The following SYT7 variants were observed in gnomAD, a reference collection of about 807,000 sequenced individuals.
SYT7 encodes the protein synaptotagmin-7.
Under a neutral mutation model 75.1 loss-of-function variants are expected in SYT7, and 29 were observed. That is an observed-to-expected ratio of 0.39 (90% CI 0.29 to 0.53). SYT7 has a LOEUF of 0.53. SYT7 is among the 20% of genes least tolerant of loss of function. SYT7 has a pLI of 0.77. For synonymous variants in SYT7, 376 were observed against 401.7 expected (o/e 0.94, Z 0.76); for missense variants, 693 against 953.2 (o/e 0.73, Z 3.59).
At chr11:61,574,422 A>G (rs921859759) in intron 1 of SYT7, among the ~76,000 whole-genome samples, 1 of 152,134 alleles carries the variant, frequency 6.6e-6, no homozygotes, top group African/African-American at 2.4e-5. Flanking sequence ...GGAGGCACAT[A>G]TGTAAAGTGC....
upstream of SYT7, among the ~76,000 whole-genome samples, chr11:61,584,255 C>T (rs1247480176): frequency 2.6e-5 from 4 of 151,756 alleles, no homozygotes; most frequent in East Asian, 5.8e-4. Flanking sequence ...ATTAGCCGGG[C>T]GTGGTGGCAT....
At position 61,523,373 on chromosome 11, in the gene SYT7, G is replaced by C. The variant is rs942734862; in HGVS notation, c.1757-99C>G. ...GAATGGAAGCTGAGGCAGGAGGGCC[G>C]TGTGCTTTCCCCAGAGGCAAGGAAA... is the stretch of plus-strand genomic sequence containing the variant. On this transcript the variant is annotated intron_variant, in intron 11 of 12. Coordinates refer to ENST00000539008, the MANE Select transcript of SYT7 (RefSeq NM_001365809.2). The surrounding 1 kb of genome is among the most constrained non-coding windows in gnomAD (Gnocchi z 5.0). 25 of 1,207,042 alleles carry C rather than the reference G, an allele frequency of 2.1e-5. No individual in the cohort carries two copies. The highest frequency in any genetic ancestry group is 7.5e-5 in the African/African-American group (5 of 66,904). 74.8% of individuals were successfully genotyped at this position (1,207,042 alleles called of 1,614,324 possible).
intron 1 of SYT7, among the ~76,000 whole-genome samples, chr11:61,558,947 T>C (rs2063572213): frequency 6.6e-6 from 1 of 152,198 alleles, no homozygotes; most frequent in African/African-American, 2.4e-5. Context: ...TTTTACCACA[T>C]TGGCCAGGCT....
intron 12 of SYT7, among the ~76,000 whole-genome samples, chr11:61,522,725 T>G (rs1441505462): frequency 6.6e-6 from 1 of 152,186 alleles, no homozygotes; most frequent in Non-Finnish European, 1.5e-5. Context: ...GCTCACCCTG[T>G]GCAGATGGGA....
At chr11:61,519,987 A>C (rs1251075604) in intron 12 of SYT7, among the ~76,000 whole-genome samples, 1 of 151,514 alleles carries the variant, frequency 6.6e-6, no homozygotes, top group Non-Finnish European at 1.5e-5. Flanking sequence ...CGCCCGGCTA[A>C]TTTTTGTATT....
intron 3 of SYT7, 92 bp from the exon 4 acceptor site, chr11:61,547,400 C>T: frequency 3.5e-6 from 5 of 1,435,138 alleles, no homozygotes; most frequent in East Asian, 2.5e-5. Context: ...ACCAGGACCC[C>T]GGGGCCGGGC....
chr11:61,548,933 A>C (rs1272135077), intron 3 of SYT7, among the ~76,000 whole-genome samples: 1 of 152,180 alleles, frequency 6.6e-6, no homozygotes, highest in Non-Finnish European at 1.5e-5. Flanking sequence ...CAAAGCGTAG[A>C]GCCAGCTCAC....
rs371595215 is a variant in SYT7 at position 61,575,831 on chromosome 11, G to A, written c.31+4959C>T. On this transcript the variant is annotated intron_variant, in intron 1 of 12. Transcript: ENST00000539008. ...TAAGCACAGATATTATGGCCATCCA[G>A]CTGCCACCCGCACACACACTAGGTA... Among the ~76,000 whole-genome samples the A allele has an allele frequency of 7.0e-4, 107 of 152,312 alleles. 2 individuals are homozygous for A. The South Asian group carries it at 0.02, about 29-fold the overall frequency.
rs148448699 is a variant in SYT7, at chr11:61,551,455, G to C, written c.144C>G (p.Arg48=). The C allele has an allele frequency of 4.2e-4, 682 of 1,613,828 alleles. 4 individuals are homozygous for C. Among genetic ancestry groups the C allele is most frequent in the South Asian group, 2.0e-3 (183 of 91,078 alleles). ...CCACCGTCTCCAAGGAATTCTTGTA[G>C]CGTTTGCCCTGTGGAGATAGCACTA... ...CHWCQRKLGK[R]YKNSLETVGT... Residue 48 remains arginine, a synonymous_variant, in exon 3 of 13, where the codon CGC becomes CGG. Transcript: ENST00000539008. The surrounding 1 kb of genome is among the most constrained non-coding windows in gnomAD (Gnocchi z 5.3).
intron 3 of SYT7, among the ~76,000 whole-genome samples, chr11:61,550,575 C>T (rs1308462855): frequency 6.6e-6 from 1 of 152,126 alleles, no homozygotes; most frequent in Non-Finnish European, 1.5e-5. Flanking sequence ...GGGTTACCAC[C>T]CCTACCTTGA....
rs763230993 is a variant in SYT7, at chr11:61,533,067, G to A, written c.1122C>T (p.His374=). 46 of 1,612,824 alleles carry A rather than the reference G, an allele frequency of 2.9e-5. No individual in the cohort carries two copies. The highest frequency in any genetic ancestry group is 4.0e-5 in the African/African-American group (3 of 74,916). The change falls in exon 8 of 13, where the codon CAC becomes CAT. Residue 374 remains histidine (H), a synonymous_variant. Transcript: ENST00000539008. ...GCTCGGTCCGGCGGTCGGACTCATC[G>A]TGGGGTGTCTGGCCTGGCACGGGGG... ...NTAPVPGQTP[H]DESDRRTEPR...
chr11:61,550,628 A>G (rs773772523), intron 3 of SYT7, among the ~76,000 whole-genome samples: 17 of 152,112 alleles, frequency 1.1e-4, no homozygotes, highest in Non-Finnish European at 2.2e-4. Context: ...GCCACTGGCC[A>G]GTGGGCACAG....
At chr11:61,519,828 G>A (rs1177231835) in intron 12 of SYT7, among the ~76,000 whole-genome samples, 1 of 152,124 alleles carries the variant, frequency 6.6e-6, no homozygotes, top group Non-Finnish European at 1.5e-5. Flanking sequence ...TTGTTTGTTT[G>A]TTTGTTTTTG....
chr11:61,521,149 T>C (rs2062315553), intron 12 of SYT7, among the ~76,000 whole-genome samples: 1 of 152,208 alleles, frequency 6.6e-6, no homozygotes, highest in Non-Finnish European at 1.5e-5. Context: ...ATGATACTGA[T>C]AGCCTTGGAT....
chr11:61,529,472 C>A (rs2062634618), intron 8 of SYT7, among the ~76,000 whole-genome samples: 1 of 152,160 alleles, frequency 6.6e-6, no homozygotes, highest in African/African-American at 2.4e-5. Flanking sequence ...GAGGTGAAGT[C>A]ACATGGCCAA....
At chr11:61,531,464 G>T (rs568467738) in intron 8 of SYT7, among the ~76,000 whole-genome samples, 1 of 152,132 alleles carries the variant, frequency 6.6e-6, no homozygotes, top group East Asian at 1.9e-4. Flanking sequence ...TCCTGGGGGG[G>T]GGAAGATGGA....
intron 2 of SYT7, among the ~76,000 whole-genome samples, chr11:61,552,868 C>T (rs746627079): frequency 1.3e-5 from 2 of 152,230 alleles, no homozygotes; most frequent in Non-Finnish European, 2.9e-5. Flanking sequence ...AGAAGGAAGA[C>T]TCCTCATCCC....
Position 61,527,925 on chromosome 11 carries a change from G to A in SYT7, c.1461C>T (p.Phe487=). 2 of 1,614,080 alleles carry A rather than the reference G, an allele frequency of 1.2e-6. No individual in the cohort carries two copies. Among genetic ancestry groups the A allele is most frequent in the East Asian group, 2.2e-5 (1 of 44,886 alleles). Residue 487 remains phenylalanine (F), a synonymous_variant, in exon 9 of 13, where the codon TTC becomes TTT. Transcript: ENST00000539008. ...KNLNPHWNET[F]LFEGFPYEKV... is the part of the protein sequence containing the mutation. ...TGGCACTAGACTCACCTTCAAAGAGGAAGGTCTCGTTCCAGTGGGGGTTCA... is the reference window on the plus strand; with the variant it reads ...TGGCACTAGACTCACCTTCAAAGAGAAAGGTCTCGTTCCAGTGGGGGTTCA...
chr11:61,574,465 T>C (rs1465563633), intron 1 of SYT7, among the ~76,000 whole-genome samples: 1 of 152,216 alleles, frequency 6.6e-6, no homozygotes, highest in Non-Finnish European at 1.5e-5. Context: ...CAAGGCTTGC[T>C]ATTATCATAC....
Sources: allele counts gnomAD v4.1 joint callset (sites outside exome capture counted in the v4.1 genomes callset), GRCh38; gene constraint gnomAD v4.1.1; non-coding constraint Gnocchi (gnomAD v3.1); transcripts MANE v1.5; gene names NCBI Gene and HGNC (gene_info 2026-07-23, HGNC 2026-07-21).